NKAIN2: variants seen among roughly 807,000 people sequenced by gnomAD.
The protein encoded by NKAIN2 is sodium/potassium transporting ATPase interacting 2.
NKAIN2 carries 14 observed loss-of-function variants against 32.6 expected under a neutral mutation model. The observed-to-expected ratio is 0.43, with a 90% CI of 0.28 to 0.67. NKAIN2 has a LOEUF of 0.67. Among genes scored for constraint, NKAIN2 ranks in the 30% least tolerant of loss-of-function variants. The probability of loss-of-function intolerance (pLI) is 0.17; values close to 1 mark genes in which losing one functional copy is unlikely to be tolerated. For synonymous variants in NKAIN2, 80 were observed against 87.2 expected (o/e 0.92, Z 0.46); for missense variants, 198 against 258.3 (o/e 0.77, Z 1.60).
intron 1 of NKAIN2, among the ~76,000 whole-genome samples, chr6:123,947,183 G>A (rs1446483153): frequency 1.3e-5 from 2 of 152,116 alleles, no homozygotes; most frequent in Non-Finnish European, 2.9e-5. Flanking sequence ...AGTTATTCTA[G>A]CCCTTTGTCT....
intron 1 of NKAIN2, among the ~76,000 whole-genome samples, chr6:124,129,622 AT>A: frequency 6.6e-6 from 1 of 152,028 alleles, no homozygotes; most frequent in East Asian, 1.9e-4. Context: ...CTGAACAGCA[AT>A]CTTTTTTTTT....
chr6:124,728,028 C>A (rs573462067), intron 4 of NKAIN2, among the ~76,000 whole-genome samples: 19 of 151,760 alleles, frequency 1.3e-4, no homozygotes, highest in Non-Finnish European at 2.5e-4. Flanking sequence ...TATATATGCA[C>A]CCAACACAGG....
intron 3 of NKAIN2, among the ~76,000 whole-genome samples, chr6:124,403,329 A>G (rs148347954): frequency 1.8e-4 from 28 of 152,270 alleles, no homozygotes; most frequent in Admixed American, 7.2e-4. Flanking sequence ...TATATCCAGC[A>G]ACATTTCTAA....
intron 3 of NKAIN2, among the ~76,000 whole-genome samples, chr6:124,370,214 A>G (rs1228246663): frequency 6.6e-6 from 1 of 151,530 alleles, no homozygotes; most frequent in African/African-American, 2.4e-5. Flanking sequence ...TACAGAGAAA[A>G]TGAGGCTATT....
At chr6:124,368,350 T>C (rs2114311766) in intron 3 of NKAIN2, among the ~76,000 whole-genome samples, 1 of 152,278 alleles carries the variant, frequency 6.6e-6, no homozygotes, top group Middle Eastern at 3.4e-3. Flanking sequence ...CTGCATAAGA[T>C]CTAGATGGCA....
At chr6:124,523,379 G>A (rs903713107) in intron 3 of NKAIN2, among the ~76,000 whole-genome samples, 2 of 151,440 alleles carry the variant, frequency 1.3e-5, no homozygotes, top group South Asian at 2.1e-4. Flanking sequence ...ATGATTTTTC[G>A]GCAAATTATC....
intron 3 of NKAIN2, among the ~76,000 whole-genome samples, chr6:124,467,522 C>T (rs1776809473): frequency 6.6e-6 from 1 of 152,024 alleles, no homozygotes; most frequent in Non-Finnish European, 1.5e-5. Flanking sequence ...CCTACATCTC[C>T]AAGTTCAGTG....
chr6:124,149,140 TAAAAA>T (rs112724717), intron 1 of NKAIN2, among the ~76,000 whole-genome samples: 1 of 148,734 alleles, frequency 6.7e-6, no homozygotes, highest in Non-Finnish European at 1.5e-5. Context: ...TTTTCCCACT[TAAAAA>T]AAAAAGGTTA....
chr6:123,843,007 G>A (rs910316354), intron 1 of NKAIN2, among the ~76,000 whole-genome samples: 2 of 152,164 alleles, frequency 1.3e-5, no homozygotes, highest in South Asian at 2.1e-4. Flanking sequence ...TGCACGAGCT[G>A]GGGCAAGTGC....
intron 2 of NKAIN2, among the ~76,000 whole-genome samples, chr6:124,351,090 A>G (rs1266464750): frequency 6.6e-6 from 1 of 152,262 alleles, no homozygotes; most frequent in Non-Finnish European, 1.5e-5. Flanking sequence ...GTTAGAAATA[A>G]TAAATTGTAT....
At chr6:124,359,249 A>G (rs1209902352) in intron 3 of NKAIN2, among the ~76,000 whole-genome samples, 1 of 147,854 alleles carries the variant, frequency 6.8e-6, no homozygotes, top group East Asian at 1.9e-4. Flanking sequence ...TTGACTTGGC[A>G]ATGTGGGCTC....
At chr6:124,523,649 C>T (rs1779206216) in intron 3 of NKAIN2, among the ~76,000 whole-genome samples, 1 of 152,082 alleles carries the variant, frequency 6.6e-6, no homozygotes, top group Admixed American at 6.5e-5. Flanking sequence ...GAAAGGGAGA[C>T]TACCAAAGGG....
At chr6:124,615,005 T>C (rs912956098) in intron 3 of NKAIN2, among the ~76,000 whole-genome samples, 2 of 152,218 alleles carry the variant, frequency 1.3e-5, no homozygotes, top group Non-Finnish European at 2.9e-5. Context: ...CCATCTTCAA[T>C]TGATTGAATT....
At chr6:123,904,460 A>G (rs1025632313) in intron 1 of NKAIN2, among the ~76,000 whole-genome samples, 2 of 152,174 alleles carry the variant, frequency 1.3e-5, no homozygotes, top group African/African-American at 4.8e-5. Flanking sequence ...GGCCACTATG[A>G]TAATCATAAT....
At chr6:124,193,339 C>G (rs1030560539) in intron 1 of NKAIN2, among the ~76,000 whole-genome samples, 1 of 152,156 alleles carries the variant, frequency 6.6e-6, no homozygotes, top group Admixed American at 6.5e-5. Context: ...TGGCCACTGC[C>G]CATAGCCAGG....
intron 3 of NKAIN2, among the ~76,000 whole-genome samples, chr6:124,544,727 A>T (rs1357175212): frequency 3.3e-5 from 5 of 152,186 alleles, no homozygotes; most frequent in Non-Finnish European, 5.9e-5. Context: ...CATAATAGTT[A>T]GACATGTTTT....
In NKAIN2 at chr6:123,964,691, A is replaced by G. The variant is rs952463422; in HGVS notation, c.54+160437A>G. ...TGCCCAGCCACTTTCCTGTACTCAC[A>G]TTCACCCAGCATCTATCTAGTCTTC... On this transcript the variant is annotated intron_variant, in intron 1 of 6. Transcript: ENST00000368417. This position sits in a 1 kb window ranked among gnomAD's most constrained non-coding sequence, Gnocchi z 4.0. 5.3e-5 allele frequency among the ~76,000 whole-genome samples: 8 copies of G among 152,184 alleles called. No homozygotes were observed. The highest frequency in any genetic ancestry group is 8.8e-5 in the Non-Finnish European group (6 of 68,040).
Position 124,712,474 on chromosome 6 carries a change from C to T in NKAIN2, c.474+54088C>T, listed in dbSNP as rs9482569. Among the ~76,000 whole-genome samples the T allele has an allele frequency of 3.1e-3, 278 of 89,326 alleles. 14 individuals are homozygous for T. Among genetic ancestry groups the T allele is most frequent in the Middle Eastern group, 6.3e-3 (1 of 160 alleles). The allele number at this position is 89,326 out of a possible 152,430, so 58.6% of individuals were successfully genotyped here. A position where few individuals can be genotyped will look rare whatever the true frequency, so the allele number is the denominator to read the frequency against. On this transcript the variant is annotated intron_variant, in intron 4 of 6. Transcript: ENST00000368417. The stretch of plus-strand genomic sequence containing the variant: ...GCTGTGCTAGCAATCAGCGAGACTC[C>T]GTGGGCGTAGGACCCTCCAAGCCAG...
intron 1 of NKAIN2, among the ~76,000 whole-genome samples, chr6:124,095,652 G>A (rs1180306995): frequency 1.3e-5 from 2 of 152,018 alleles, no homozygotes; most frequent in Admixed American, 6.6e-5. Context: ...TCCTAATAAT[G>A]TATTCCACTT....
Sources: allele counts gnomAD v4.1 joint callset (sites outside exome capture counted in the v4.1 genomes callset), GRCh38; gene constraint gnomAD v4.1.1; non-coding constraint Gnocchi (gnomAD v3.1); transcripts MANE v1.5; gene names NCBI Gene and HGNC (gene_info 2026-07-23, HGNC 2026-07-21).